Variants in ERCC5 observed in about 807,000 individuals in gnomAD.
The protein encoded by ERCC5 is DNA excision repair protein ERCC-5.
ERCC5 carries 68 observed loss-of-function variants against 105.6 expected under a neutral mutation model. The ratio of observed to expected loss-of-function variants is 0.64; its 90% CI spans 0.53 to 0.79. The LOEUF is 0.79. Ranked by LOEUF, ERCC5 falls within the 30% of genes least tolerant of loss-of-function variation. The pLI is 0.00. For missense variants in ERCC5, 1,373 were observed against 1,426.7 expected, an observed-to-expected ratio of 0.96 and a Z score of 0.61; for synonymous variants, 546 against 526.2, an observed-to-expected ratio of 1.04 and a Z score of -0.51.
At chr13:102,858,753 T>C (rs1882516180) in intron 6 of ERCC5, among the ~76,000 whole-genome samples, 1 of 152,242 alleles carries the variant, frequency 6.6e-6, no homozygotes, top group South Asian at 2.1e-4. Context: ...TAGCTCAGTA[T>C]TTTTCACATG....
chr13:102,849,230 C>A (rs1882100972), intron 1 of ERCC5: 1 of 518,638 alleles, frequency 1.9e-6, no homozygotes, highest in Admixed American at 1.9e-5. Flanking sequence ...TGGTCTCCAC[C>A]ACTACTGTCT....
Position 102,866,663 on chromosome 13 carries a change from T to A in ERCC5, c.2351T>A (p.Ile784Asn). 1 of 1,613,948 alleles carries A rather than the reference T, an allele frequency of 6.2e-7. No individual in the cohort carries two copies. Among genetic ancestry groups the A allele is most frequent in the Non-Finnish European group, 8.5e-7 (1 of 1,180,004 alleles). Residue 784 changes from isoleucine to asparagine, a missense_variant, in exon 11 of 15, where the codon ATC becomes AAC. Physicochemically the swap from Ile to Asn is moderately radical, Grantham distance 149. Around this residue, in one of 3 missense-constraint regions of ERCC5, gnomAD observed 1,004 missense variants for 1,059.7 expected, o/e 0.95. Coordinates refer to ENST00000652225, the MANE Select transcript of ERCC5 (RefSeq NM_000123.4). ...CTGCGCCTGTTCGGCATTCCCTACA[T>A]CCAGGCTCCCATGGAAGCAGAGGCG... is the stretch of plus-strand genomic sequence containing the variant. ...ELLRLFGIPY[I>N]QAPMEAEAQC... is the part of the protein sequence containing the mutation.
intron 14 of ERCC5, chr13:102,874,620 C>T (rs1413591769): frequency 6.6e-6 from 1 of 152,296 alleles, no homozygotes; most frequent in Non-Finnish European, 1.5e-5. Flanking sequence ...CTCCCGGGTT[C>T]ACGCCATTCT....
chr13:102,863,150 C>T, intron 8 of ERCC5, 47 bp downstream of exon 8: 3 of 1,591,926 alleles, frequency 1.9e-6, no homozygotes, highest in Non-Finnish European at 2.6e-6. Flanking sequence ...AGGATTTCCC[C>T]TCTGTAGGAA....
At chr13:102,847,144 G>A (rs1175184669) in intron 1 of ERCC5, among the ~76,000 whole-genome samples, 3 of 152,094 alleles carry the variant, frequency 2.0e-5, no homozygotes, top group Non-Finnish European at 4.4e-5. Flanking sequence ...GTGTGGACAG[G>A]TGTTTTACCC....
In ERCC5 at chr13:102,852,224, C is replaced by CT; in HGVS notation, c.197dup (p.Leu66PhefsTer12). The CT allele has an allele frequency of 6.2e-7, 1 of 1,614,090 alleles. No homozygotes were observed. Among genetic ancestry groups the CT allele is most frequent in the Non-Finnish European group, 8.5e-7 (1 of 1,180,010 alleles). ...CTTTGTTTCATCGGCTCTGCAAACTCTTATTTTTTCGAATTCGTCCTATTT... is the reference window on the plus strand; with the variant it reads ...CTTTGTTTCATCGGCTCTGCAAACTCTTTATTTTTTCGAATTCGTCCTATTT... On this transcript the variant is annotated frameshift_variant, in exon 2 of 15. Coordinates refer to ENST00000652225, the MANE Select transcript of ERCC5 (RefSeq NM_000123.4). LOFTEE classifies it high-confidence loss of function.
At chr13:102,848,848 A>G (rs1217247308) in intron 1 of ERCC5, among the ~76,000 whole-genome samples, 1 of 152,168 alleles carries the variant, frequency 6.6e-6, no homozygotes, top group African/African-American at 2.4e-5. Context: ...AAAATTCTCA[A>G]CCCTAGCTGA....
intron 1 of ERCC5, 88 bp downstream of exon 1, chr13:102,846,442 G>T (rs1030786252): frequency 1.3e-5 from 15 of 1,158,258 alleles, no homozygotes; most frequent in Middle Eastern, 5.0e-4. Flanking sequence ...AGTGGCATCT[G>T]CAGGATGATG....
intron 1 of ERCC5, chr13:102,849,395 C>T: frequency 1.9e-6 from 1 of 519,002 alleles, no homozygotes; most frequent in Non-Finnish European, 3.8e-6. Context: ...GCACTGGCTT[C>T]CTGGAGATAG....
At chr13:102,866,522 A>G (rs1212595224) in intron 10 of ERCC5, 110 bp from the exon 11 acceptor site, 2 of 1,594,500 alleles carry the variant, frequency 1.3e-6, no homozygotes, top group Non-Finnish European at 1.7e-6. Flanking sequence ...GTGTGTCCCT[A>G]ACTCTGCAGG....
Position 102,846,707 on chromosome 13 carries a change from G to T in ERCC5, c.88+353G>T, listed in dbSNP as rs568199897. ...GTGATCTGTAAATAGTTGTTATACT[G>T]TATTTTAAAATTTTTTGTAGTTTTT... On this transcript the variant is annotated intron_variant, in intron 1 of 14. Coordinates refer to ENST00000652225, the MANE Select transcript of ERCC5 (RefSeq NM_000123.4). Among the ~76,000 whole-genome samples, 15 of 152,288 alleles carry T rather than the reference G, an allele frequency of 9.8e-5. No homozygotes were observed. In the East Asian group the frequency reaches 2.5e-3, roughly 25 times the overall value.
At chr13:102,854,941 G>A (rs981538683) in intron 4 of ERCC5, among the ~76,000 whole-genome samples, 1 of 152,134 alleles carries the variant, frequency 6.6e-6, no homozygotes. Flanking sequence ...GTGGAGAACC[G>A]GAAGCTTGGC....
In ERCC5 at chr13:102,856,097, A is replaced by G. The variant is rs765863289; in HGVS notation, c.513A>G (p.Gln171=). 2 of 1,613,874 alleles carry G rather than the reference A, an allele frequency of 1.2e-6. No homozygotes were observed. Among genetic ancestry groups the G allele is most frequent in the Middle Eastern group, 1.7e-4 (1 of 6,046 alleles). The change falls in exon 5 of 15, where the codon CAA becomes CAG. Residue 171 remains glutamine, a synonymous_variant. Coordinates refer to ENST00000652225, the MANE Select transcript of ERCC5 (RefSeq NM_000123.4). ...DEKEWQERMN[Q]KQALQEEFFH... The stretch of plus-strand genomic sequence containing the variant: ...AAGAATGGCAAGAAAGAATGAATCA[A>G]AAACAAGCATTACAGGTATTTAGAT...
chr13:102,851,594 A>G (rs1237559637), intron 1 of ERCC5, among the ~76,000 whole-genome samples: 2 of 152,106 alleles, frequency 1.3e-5, no homozygotes, highest in African/African-American at 2.4e-5. Context: ...CGCCCGGCCT[A>G]TGATTAGTTT....
At chr13:102,847,331 C>T (rs1882008584) in intron 1 of ERCC5, among the ~76,000 whole-genome samples, 1 of 143,278 alleles carries the variant, frequency 7.0e-6, no homozygotes. Context: ...TATTCTGGCT[C>T]AGAATCTGGT....
At chr13:102,858,570 T>C (rs780465913) in intron 6 of ERCC5, 152 bp downstream of exon 6, 26 of 1,224,902 alleles carry the variant, frequency 2.1e-5, no homozygotes, top group Non-Finnish European at 2.9e-5. Flanking sequence ...AGAAGCATCG[T>C]ATATTTATAC....
Position 102,865,951 on chromosome 13 carries a change from A to G in ERCC5, c.2199+40A>G. 1.9e-6 allele frequency: 3 copies of G among 1,613,606 alleles called. No individual in the cohort carries two copies. Among genetic ancestry groups the G allele is most frequent in the Non-Finnish European group, 2.5e-6 (3 of 1,179,986 alleles). On this transcript the variant is annotated intron_variant, in intron 9 of 14. Coordinates refer to ENST00000652225, the MANE Select transcript of ERCC5 (RefSeq NM_000123.4). The surrounding 1 kb of genome is among the most constrained non-coding windows in gnomAD (Gnocchi z 4.0). The stretch of plus-strand genomic sequence containing the variant: ...TTGTGTTTCGACTTCTTGCTGAGGA[A>G]GCCAGGTTAAGTAGGTTTTGAGTTT...
At position 102,865,849 on chromosome 13, in the gene ERCC5, G is replaced by A; in HGVS notation, c.2137G>A (p.Glu713Lys). 1 of 1,614,216 alleles carries A rather than the reference G, an allele frequency of 6.2e-7. No individual in the cohort carries two copies. Among genetic ancestry groups the A allele is most frequent in the South Asian group, 1.1e-5 (1 of 91,084 alleles). Reference sequence around the variant, plus strand: ...CTCTGAGAGGGACGACGTGGATGGTGAGCCACAGGAAGCTGAGAAAGATGC... The same window carrying A: ...CTCTGAGAGGGACGACGTGGATGGTAAGCCACAGGAAGCTGAGAAAGATGC... Reference protein sequence around the residue: ...DNSERDDVDGEPQEAEKDAED... With the variant: ...DNSERDDVDGKPQEAEKDAED... The change falls in exon 9 of 15, where the codon GAG becomes AAG. Residue 713 changes from glutamate to lysine, a missense_variant. By Grantham distance (56) the Glu-to-Lys change is moderately conservative. Transcript: ENST00000652225. This position sits in a 1 kb window ranked among gnomAD's most constrained non-coding sequence, Gnocchi z 4.0.
chr13:102,874,728 T>C (rs1883147204), intron 14 of ERCC5: 1 of 153,008 alleles, frequency 6.5e-6, no homozygotes, highest in East Asian at 1.9e-4. Context: ...TTTCACCGTG[T>C]AAGCCAGAAT....
Sources: allele counts gnomAD v4.1 joint callset (sites outside exome capture counted in the v4.1 genomes callset), GRCh38; gene constraint gnomAD v4.1.1; regional missense constraint gnomAD v4.1.1; non-coding constraint Gnocchi (gnomAD v3.1); transcripts MANE v1.5; gene names NCBI Gene and HGNC (gene_info 2026-07-23, HGNC 2026-07-21).